CSMD1: variants seen among roughly 807,000 people sequenced by gnomAD.
CSMD1 encodes the protein CUB and Sushi multiple domains 1.
A neutral mutation model predicts 417.5 loss-of-function variants in CSMD1; 213 were observed. The ratio of observed to expected loss-of-function variants is 0.51; its 90% CI spans 0.46 to 0.57. The LOEUF (loss-of-function observed/expected upper bound fraction) is 0.57. Among genes scored for constraint, CSMD1 ranks in the 20% least tolerant of loss-of-function variants. The pLI is 0.00. For missense variants in CSMD1, 6,923 were observed against 4,529.7 expected (o/e 1.53, Z -15.17); for synonymous variants, 2,862 against 1,736.8 (o/e 1.65, Z -16.11).
intron 7 of CSMD1, among the ~76,000 whole-genome samples, chr8:3,706,197 A>T (rs998437841): frequency 2.0e-5 from 3 of 152,266 alleles, no homozygotes; most frequent in Non-Finnish European, 4.4e-5. Context: ...ACTCTGCAAC[A>T]GGCAGTTTAC....
intron 5 of CSMD1, among the ~76,000 whole-genome samples, chr8:3,901,858 T>C (rs988926998): frequency 6.6e-6 from 1 of 152,222 alleles, no homozygotes; most frequent in South Asian, 2.1e-4. Flanking sequence ...GGTTTTATTA[T>C]ACTGTACTCT....
At chr8:3,990,164 G>T (rs1228285826) in intron 5 of CSMD1, among the ~76,000 whole-genome samples, 1 of 152,080 alleles carries the variant, frequency 6.6e-6, no homozygotes, top group Non-Finnish European at 1.5e-5. Context: ...TTGTTTCCAG[G>T]ATTAAGGGCC....
intron 2 of CSMD1, among the ~76,000 whole-genome samples, chr8:4,589,053 A>T (rs967739150): frequency 1.3e-5 from 2 of 152,132 alleles, no homozygotes; most frequent in African/African-American, 4.8e-5. Context: ...TATAATGTGT[A>T]ATAGTGTAAA....
intron 6 of CSMD1, among the ~76,000 whole-genome samples, chr8:3,724,254 T>C (rs1375414235): frequency 6.6e-6 from 1 of 152,064 alleles, no homozygotes; most frequent in East Asian, 1.9e-4. Context: ...TTGTGCAGGT[T>C]AGTTACATAT....
intron 23 of CSMD1, among the ~76,000 whole-genome samples, chr8:3,342,382 C>G (rs156074): frequency 0.38 from 58,113 of 151,970 alleles, 12,038 homozygotes; most frequent in East Asian, 0.49. Flanking sequence ...CTCAAAAACC[C>G]AAACTTTTAA....
chr8:4,212,134 G>C (rs970636332), intron 3 of CSMD1, among the ~76,000 whole-genome samples: 3 of 150,848 alleles, frequency 2.0e-5, no homozygotes, highest in African/African-American at 7.3e-5. Context: ...GAGAAGAAGT[G>C]TCCTTTATTA....
At chr8:4,942,411 G>C (rs1808067998) in intron 1 of CSMD1, among the ~76,000 whole-genome samples, 1 of 151,928 alleles carries the variant, frequency 6.6e-6, no homozygotes, top group South Asian at 2.1e-4. Context: ...TGTACTGGAG[G>C]AATTCACAGT....
intron 1 of CSMD1, among the ~76,000 whole-genome samples, chr8:4,802,369 G>GTT (rs1798346706): frequency 1.3e-5 from 2 of 151,932 alleles, no homozygotes. Flanking sequence ...GTGTGTGTGT[G>GTT]TGTGTGTGTA....
chr8:4,222,171 C>G (rs1801070587), intron 3 of CSMD1, among the ~76,000 whole-genome samples: 2 of 152,006 alleles, frequency 1.3e-5, no homozygotes, highest in African/African-American at 2.4e-5. Flanking sequence ...CTCAAAACCC[C>G]TTCTGTGTCT....
intron 7 of CSMD1, among the ~76,000 whole-genome samples, chr8:3,642,913 A>G (rs1031145870): frequency 5.9e-5 from 9 of 151,996 alleles, no homozygotes; most frequent in African/African-American, 2.2e-4. Context: ...ATATAATGTA[A>G]CTTTCTGAAG....
At chr8:4,570,277 G>C (rs900649765) in intron 2 of CSMD1, among the ~76,000 whole-genome samples, 1 of 152,142 alleles carries the variant, frequency 6.6e-6, no homozygotes, top group Non-Finnish European at 1.5e-5. Context: ...CTGTGGGTTT[G>C]TCATACACAG....
intron 10 of CSMD1, among the ~76,000 whole-genome samples, chr8:3,511,035 G>A (rs544675477): frequency 6.6e-5 from 10 of 151,844 alleles, no homozygotes; most frequent in Non-Finnish European, 1.3e-4. Context: ...ATACACCATG[G>A]AATACTATGC....
intron 3 of CSMD1, among the ~76,000 whole-genome samples, chr8:4,054,230 T>C (rs1026849587): frequency 6.6e-6 from 1 of 152,168 alleles, no homozygotes; most frequent in African/African-American, 2.4e-5. Context: ...CTCTTGTAGC[T>C]GAACATGGAC....
At chr8:4,653,115 C>G (rs899759971) in intron 1 of CSMD1, among the ~76,000 whole-genome samples, 6 of 152,066 alleles carry the variant, frequency 3.9e-5, no homozygotes, top group Non-Finnish European at 8.8e-5. Context: ...GTCTCTTTCC[C>G]AGCCACAGAT....
chr8:4,871,265 C>G (rs1177045132), intron 1 of CSMD1, among the ~76,000 whole-genome samples: 6 of 152,076 alleles, frequency 3.9e-5, no homozygotes. Flanking sequence ...AGCCCATTTT[C>G]TTAGGAAATT....
chr8:4,596,066 C>T (rs1018841134), intron 2 of CSMD1, among the ~76,000 whole-genome samples: 6 of 152,168 alleles, frequency 3.9e-5, no homozygotes, highest in Non-Finnish European at 5.9e-5. Context: ...AACCTTGCTC[C>T]TTTCTCTCAA....
At chr8:4,553,378 G>C (rs915014461) in intron 2 of CSMD1, among the ~76,000 whole-genome samples, 5 of 150,806 alleles carry the variant, frequency 3.3e-5, no homozygotes, top group Non-Finnish European at 7.4e-5. Context: ...ACATTTATAA[G>C]GCTTCATTTT....
At chr8:4,105,720 C>A (rs1801534673) in intron 3 of CSMD1, among the ~76,000 whole-genome samples, 1 of 152,218 alleles carries the variant, frequency 6.6e-6, no homozygotes, top group Non-Finnish European at 1.5e-5. Flanking sequence ...ATGGCAAGAT[C>A]AACCCACAGC....
intron 3 of CSMD1, among the ~76,000 whole-genome samples, chr8:4,283,338 C>T (rs1796892682): frequency 6.6e-6 from 1 of 152,116 alleles, no homozygotes; most frequent in African/African-American, 2.4e-5. Flanking sequence ...TTCACTGCTG[C>T]CCTGTATAAA....
Sources: gnomAD v4.1 joint callset for allele counts (sites outside exome capture counted in the v4.1 genomes callset) on GRCh38, gnomAD v4.1.1 for gene constraint, MANE v1.5 for transcripts, NCBI Gene and HGNC (gene_info 2026-07-23, HGNC 2026-07-21) for gene names.